RSPO3: variants seen among roughly 807,000 people sequenced by gnomAD.
RSPO3 encodes R-spondin 3.
In RSPO3, 17 loss-of-function variants were observed where a neutral mutation model predicts 36.5. The ratio of observed to expected loss-of-function variants is 0.47; its 90% CI spans 0.32 to 0.70. The LOEUF is 0.70. Ranked by LOEUF, RSPO3 falls within the 30% of genes least tolerant of loss-of-function variation. The pLI is 0.04. For missense variants in RSPO3, 294 were observed against 322.5 expected, an observed-to-expected ratio of 0.91 and a Z score of 0.68; for synonymous variants, 108 against 107.0, an observed-to-expected ratio of 1.01 and a Z score of -0.06.
intron 4 of RSPO3, among the ~76,000 whole-genome samples, chr6:127,170,753 T>C (rs1006822760): frequency 1.3e-5 from 2 of 151,802 alleles, no homozygotes; most frequent in African/African-American, 4.8e-5. Flanking sequence ...TTAAAGACTT[T>C]ATACTAAGTA....
intron 4 of RSPO3, among the ~76,000 whole-genome samples, chr6:127,168,314 T>G (rs1418481853): frequency 1.3e-5 from 2 of 152,014 alleles, no homozygotes; most frequent in Admixed American, 1.3e-4. Flanking sequence ...GTGAGATGGT[T>G]TCTCATTGTG....
intron 1 of RSPO3, among the ~76,000 whole-genome samples, chr6:127,143,065 G>A (rs1774311948): frequency 6.6e-6 from 1 of 151,458 alleles, no homozygotes; most frequent in African/African-American, 2.4e-5. Context: ...GGAAAGTGCT[G>A]GGATTACAGT....
chr6:127,159,640 T>C (rs1171375294), intron 4 of RSPO3, among the ~76,000 whole-genome samples: 1 of 149,734 alleles, frequency 6.7e-6, no homozygotes, highest in Non-Finnish European at 1.5e-5. Flanking sequence ...TTACATACAT[T>C]CTCCTTTTTT....
At position 127,148,658 on chromosome 6, in the gene RSPO3, C is replaced by T. The variant is rs777913855; in HGVS notation, c.108C>T (p.Asn36=). ...RGRRQRRMHP[N]VSQGCQGGCA... is the part of the protein sequence containing the mutation. ...CATTTGTCTCCACAGTGCATCCTAA[C>T]GTTAGTCAAGGCTGCCAAGGAGGCT... The change falls in exon 2 of 5, where the codon AAC becomes AAT. Residue 36 remains asparagine, a synonymous_variant. Coordinates refer to ENST00000356698, the MANE Select transcript of RSPO3 (RefSeq NM_032784.5). 47 of 1,611,616 alleles carry T rather than the reference C, an allele frequency of 2.9e-5. No homozygotes were observed. The highest frequency in any genetic ancestry group is 3.5e-5 in the Non-Finnish European group (41 of 1,178,550).
intron 4 of RSPO3, among the ~76,000 whole-genome samples, chr6:127,180,089 T>C (rs1391570524): frequency 2.6e-5 from 4 of 151,960 alleles, no homozygotes; most frequent in South Asian, 4.1e-4. Context: ...AACAAATAAA[T>C]GCAAAATTGA....
chr6:127,185,279 G>C (rs1775270179), intron 4 of RSPO3, among the ~76,000 whole-genome samples: 1 of 151,968 alleles, frequency 6.6e-6, no homozygotes, highest in Non-Finnish European at 1.5e-5. Context: ...AATAGAATGG[G>C]AGAAAAAGTA....
intron 4 of RSPO3, among the ~76,000 whole-genome samples, chr6:127,157,871 G>A (rs1338427582): frequency 6.6e-6 from 1 of 151,430 alleles, no homozygotes; most frequent in Non-Finnish European, 1.5e-5. Context: ...CTTCTCTTAA[G>A]GTTTAGTTAG....
chr6:127,163,963 C>T (rs1422178248), intron 4 of RSPO3, among the ~76,000 whole-genome samples: 1 of 152,084 alleles, frequency 6.6e-6, no homozygotes, highest in Non-Finnish European at 1.5e-5. Flanking sequence ...ACCATTTCAG[C>T]TCACACTGCC....
Position 127,197,534 on chromosome 6 carries a change from C to T in RSPO3, c.*1527C>T. On this transcript the variant is annotated 3_prime_UTR_variant, in exon 5 of 5. Coordinates refer to ENST00000356698, the MANE Select transcript of RSPO3 (RefSeq NM_032784.5). ...AGTGTGCAGCACAGAATCGCATGAC[C>T]CACCTTAACCTTCCTGTTGTCATGG... is the stretch of plus-strand genomic sequence containing the variant. 6.5e-7 allele frequency: 1 copy of T among 1,549,998 alleles called. No homozygotes were observed. The highest frequency in any genetic ancestry group is 8.7e-7 in the Non-Finnish European group (1 of 1,146,782).
intron 1 of RSPO3, among the ~76,000 whole-genome samples, chr6:127,123,921 T>C (rs1227491481): frequency 6.6e-6 from 1 of 152,082 alleles, no homozygotes. Context: ...CCTTGCTGCA[T>C]TGCTCCAAAA....
chr6:127,150,284 A>G (rs765166161), intron 2 of RSPO3, 142 bp from the exon 3 acceptor site: 63 of 694,266 alleles, frequency 9.1e-5, no homozygotes, highest in Admixed American at 1.8e-4. Context: ...GGAATCGTGA[A>G]TTCAGTCTGG....
At chr6:127,177,656 A>G (rs1775082355) in intron 4 of RSPO3, among the ~76,000 whole-genome samples, 1 of 151,912 alleles carries the variant, frequency 6.6e-6, no homozygotes, top group South Asian at 2.1e-4. Flanking sequence ...CTGAAATGGT[A>G]AAACAAGAAT....
chr6:127,177,009 A>C (rs959390967), intron 4 of RSPO3, among the ~76,000 whole-genome samples: 1 of 151,750 alleles, frequency 6.6e-6, no homozygotes, highest in Non-Finnish European at 1.5e-5. Context: ...CCTTATTGCA[A>C]GGACTTCCTC....
chr6:127,177,773 T>A (rs961185704), intron 4 of RSPO3, among the ~76,000 whole-genome samples: 1 of 151,748 alleles, frequency 6.6e-6, no homozygotes, highest in African/African-American at 2.4e-5. Flanking sequence ...GAAGCCAATT[T>A]TTTTTTTTAT....
At chr6:127,195,331 T>C (rs921310900) in intron 4 of RSPO3, among the ~76,000 whole-genome samples, 1 of 152,074 alleles carries the variant, frequency 6.6e-6, no homozygotes, top group Non-Finnish European at 1.5e-5. Flanking sequence ...CCATGCCTCA[T>C]TGATTTTTTT....
intron 4 of RSPO3, among the ~76,000 whole-genome samples, chr6:127,191,734 G>A (rs1373583952): frequency 1.3e-5 from 2 of 152,064 alleles, no homozygotes; most frequent in Middle Eastern, 6.3e-3. Context: ...TAGGAAATAA[G>A]GTCAACATGT....
chr6:127,139,604 TCTAACC>T lies in RSPO3; in HGVS notation c.98-9043_98-9038del, dbSNP rs1774229337. On this transcript the variant is annotated intron_variant, in intron 1 of 4. Coordinates refer to ENST00000356698, the MANE Select transcript of RSPO3 (RefSeq NM_032784.5). The stretch of plus-strand genomic sequence containing the variant: ...CCTTAAAAAAAAATTTCTAATTATT[TCTAACC>T]TTAAAAAAAAATGGAATGCTTCTCT... Among the ~76,000 whole-genome samples, 3 of 152,130 alleles carry T rather than the reference TCTAACC, an allele frequency of 2.0e-5. No homozygotes were observed. In the East Asian group the frequency reaches 5.8e-4, roughly 29 times the overall value.
chr6:127,185,947 C>G (rs1023774156), intron 4 of RSPO3, among the ~76,000 whole-genome samples: 15 of 152,112 alleles, frequency 9.9e-5, no homozygotes, highest in African/African-American at 3.6e-4. Context: ...ATCAACACTT[C>G]TTCTGTTTCT....
intron 1 of RSPO3, among the ~76,000 whole-genome samples, chr6:127,119,628 A>C (rs2114526171): frequency 6.6e-6 from 1 of 152,328 alleles, no homozygotes. Flanking sequence ...GGACAGGGGC[A>C]CCCAGCCGAA....
Sources: gnomAD v4.1 joint callset for allele counts (sites outside exome capture counted in the v4.1 genomes callset) on GRCh38, gnomAD v4.1.1 for gene constraint, MANE v1.5 for transcripts, NCBI Gene and HGNC (gene_info 2026-07-23, HGNC 2026-07-21) for gene names.